Variants in RNF24 observed in about 807,000 individuals in gnomAD.
The protein encoded by RNF24 is ring finger protein 24.
A neutral mutation model predicts 20.0 loss-of-function variants in RNF24; 14 were observed. That is an observed-to-expected ratio of 0.70 (90% confidence interval 0.46 to 1.10). The LOEUF (loss-of-function observed/expected upper bound fraction) is 1.10. RNF24 is among the 50% of genes least tolerant of loss of function. The pLI is 0.00. For synonymous variants in RNF24, 45 were observed against 61.1 expected (o/e 0.74, Z 1.23); for missense variants, 124 against 177.6 (o/e 0.70, Z 1.71).
chr20:3,988,897 TA>T (rs1166684651), intron 1 of RNF24, among the ~76,000 whole-genome samples: 1 of 151,994 alleles, frequency 6.6e-6, no homozygotes, highest in Non-Finnish European at 1.5e-5. Flanking sequence ...GACGGTAAAA[TA>T]AAAAAGAATC....
intron 4 of RNF24, among the ~76,000 whole-genome samples, chr20:3,940,718 G>T: frequency 6.6e-6 from 1 of 152,186 alleles, no homozygotes; most frequent in East Asian, 1.9e-4. Context: ...AGGGATGAAT[G>T]ATTCAAGTGA....
chr20:3,935,444 C>G (rs1194392746), intron 4 of RNF24, among the ~76,000 whole-genome samples: 1 of 152,202 alleles, frequency 6.6e-6, no homozygotes, highest in East Asian at 1.9e-4. Flanking sequence ...GGGTTCTCCA[C>G]CTTGTCAGCA....
At chr20:3,968,839 A>T (rs1313596052) in intron 1 of RNF24, among the ~76,000 whole-genome samples, 2 of 152,162 alleles carry the variant, frequency 1.3e-5, no homozygotes, top group African/African-American at 4.8e-5. Flanking sequence ...TAAAAATAAG[A>T]CCTATATTTG....
At chr20:3,946,253 T>G (rs2091015663) in intron 3 of RNF24, among the ~76,000 whole-genome samples, 1 of 151,978 alleles carries the variant, frequency 6.6e-6, no homozygotes, top group Non-Finnish European at 1.5e-5. Flanking sequence ...GACTGCTTGA[T>G]CCCAGGAGTT....
Position 3,932,192 on chromosome 20 carries a change from T to C in RNF24, c.*1871A>G, listed in dbSNP as rs2090832613. 6.6e-6 allele frequency: 1 copy of C among 152,180 alleles called. No homozygotes were observed. The allele number at this position is 152,180 out of a possible 1,614,324, so 9.4% of individuals were successfully genotyped here. On this transcript the variant is annotated 3_prime_UTR_variant, in exon 6 of 6. Coordinates refer to ENST00000358395, the MANE Select transcript of RNF24 (RefSeq NM_001134337.3). Reference sequence around the variant, plus strand: ...TCCAGAAGCAAGCCTCCTTCTGATATTGGTCACTGAAAACAGCTCACTATA... The same window carrying C: ...TCCAGAAGCAAGCCTCCTTCTGATACTGGTCACTGAAAACAGCTCACTATA...
intron 1 of RNF24, among the ~76,000 whole-genome samples, chr20:3,973,821 T>A (rs2147009691): frequency 6.6e-6 from 1 of 152,232 alleles, no homozygotes; most frequent in African/African-American, 2.4e-5. Context: ...AAAGTTTAAA[T>A]AAGAATGAGC....
intron 1 of RNF24, among the ~76,000 whole-genome samples, chr20:3,978,330 C>G (rs969068065): frequency 6.6e-6 from 1 of 151,770 alleles, no homozygotes; most frequent in African/African-American, 2.4e-5. Flanking sequence ...GCCACCACGC[C>G]CAGCCAAGAA....
At chr20:3,966,372 T>C (rs538519864) in intron 1 of RNF24, among the ~76,000 whole-genome samples, 27 of 151,950 alleles carry the variant, frequency 1.8e-4, no homozygotes, top group African/African-American at 6.5e-4. Flanking sequence ...TCAAATGGGA[T>C]AATCTAACAA....
intron 1 of RNF24, among the ~76,000 whole-genome samples, chr20:3,981,316 C>T (rs1351442158): frequency 1.3e-5 from 2 of 151,954 alleles, no homozygotes; most frequent in Non-Finnish European, 2.9e-5. Context: ...CATCAGATGA[C>T]AGAAATACCC....
chr20:4,000,702 A>C (rs1004039262), intron 1 of RNF24, among the ~76,000 whole-genome samples: 1 of 152,194 alleles, frequency 6.6e-6, no homozygotes, highest in African/African-American at 2.4e-5. Context: ...TATTTATAAA[A>C]AGAGGGGAAC....
chr20:4,014,944 G>T (rs1198022684), intron 1 of RNF24, among the ~76,000 whole-genome samples: 1 of 152,176 alleles, frequency 6.6e-6, no homozygotes, highest in South Asian at 2.1e-4. Context: ...CGAGACAAGC[G>T]CCACAAAGAA....
At chr20:3,952,344 GT>G (rs888192581) in intron 2 of RNF24, among the ~76,000 whole-genome samples, 6 of 151,904 alleles carry the variant, frequency 3.9e-5, no homozygotes, top group African/African-American at 1.5e-4. Context: ...TGTAAATAGT[GT>G]TGAAAAAAAT....
intron 2 of RNF24, among the ~76,000 whole-genome samples, chr20:3,952,374 T>C (rs749166059): frequency 3.0e-4 from 45 of 152,266 alleles, no homozygotes; most frequent in South Asian, 6.2e-4. Context: ...TCTAATTATT[T>C]CTTGCTACCT....
chr20:3,965,617 G>A (rs979843908), intron 1 of RNF24, among the ~76,000 whole-genome samples: 11 of 152,182 alleles, frequency 7.2e-5, no homozygotes, highest in African/African-American at 2.4e-4. Context: ...AGGGAAGGAA[G>A]GATGTAGTTA....
intron 4 of RNF24, among the ~76,000 whole-genome samples, chr20:3,942,971 G>T (rs116339691): frequency 6.6e-6 from 1 of 151,844 alleles, no homozygotes; most frequent in East Asian, 1.9e-4. Flanking sequence ...GTCCATCACC[G>T]CGCCTGGCTC....
intron 1 of RNF24, among the ~76,000 whole-genome samples, chr20:3,975,477 T>C (rs953548367): frequency 6.6e-6 from 1 of 151,936 alleles, no homozygotes; most frequent in Non-Finnish European, 1.5e-5. Context: ...AGCTAAAGAC[T>C]AGGAAAAAAA....
chr20:3,972,681 A>T (rs1978458694), intron 1 of RNF24, among the ~76,000 whole-genome samples: 1 of 152,022 alleles, frequency 6.6e-6, no homozygotes, highest in South Asian at 2.1e-4. Flanking sequence ...CGGGCAGATC[A>T]CCTGAGGTCA....
At chr20:4,003,567 A>C (rs1981588365) in intron 1 of RNF24, among the ~76,000 whole-genome samples, 1 of 151,730 alleles carries the variant, frequency 6.6e-6, no homozygotes, top group Non-Finnish European at 1.5e-5. Flanking sequence ...ATCTATTTTG[A>C]AAGAAAATCT....
At chr20:3,995,317 T>C (rs1220137153) in intron 1 of RNF24, among the ~76,000 whole-genome samples, 1 of 152,088 alleles carries the variant, frequency 6.6e-6, no homozygotes, top group Non-Finnish European at 1.5e-5. Flanking sequence ...CACATCTCCC[T>C]GGGCCACTCT....
Sources: allele counts gnomAD v4.1 joint callset (sites outside exome capture counted in the v4.1 genomes callset), GRCh38; gene constraint gnomAD v4.1.1; transcripts MANE v1.5; gene names NCBI Gene and HGNC (gene_info 2026-07-23, HGNC 2026-07-21).